The following ASAP1 variants were observed in gnomAD, a reference collection of about 807,000 sequenced individuals.
ASAP1 encodes arf-GAP with SH3 domain, ANK repeat and PH domain-containing protein 1.
A neutral mutation model predicts 145.2 loss-of-function variants in ASAP1; 43 were observed. The observed-to-expected ratio is 0.30, with a 90% CI of 0.23 to 0.38. The LOEUF (loss-of-function observed/expected upper bound fraction) is 0.38. Ranked by LOEUF, ASAP1 falls within the 10% of genes least tolerant of loss-of-function variation. The probability of loss-of-function intolerance (pLI) is 1.00; values close to 1 mark genes in which losing one functional copy is unlikely to be tolerated. For missense variants in ASAP1, 1,018 were observed against 1,355.3 expected, an observed-to-expected ratio of 0.75 and a Z score of 3.91; for synonymous variants, 546 against 515.5, an observed-to-expected ratio of 1.06 and a Z score of -0.80.
rs185875785 is a variant in ASAP1, at chr8:130,334,229, A to T, written c.186+23788T>A. 5.3e-5 allele frequency among the ~76,000 whole-genome samples: 8 copies of T among 152,368 alleles called. No homozygotes were observed. In the East Asian group the frequency reaches 1.5e-3, roughly 29 times the overall value. ...CACAAAAAGTTGCTGAGGCACACAT[A>T]TAAAGAGGTACTCTTTGATTTTCAG... On this transcript the variant is annotated intron_variant, in intron 3 of 29. Transcript: ENST00000518721.
intron 3 of ASAP1, among the ~76,000 whole-genome samples, chr8:130,253,513 A>G (rs1045589706): frequency 2.6e-5 from 4 of 152,200 alleles, no homozygotes; most frequent in African/African-American, 9.7e-5. Context: ...GAAAAGGGAG[A>G]TGTAGATACA....
Position 130,133,699 on chromosome 8 carries a change from A to C in ASAP1, c.1217+597T>G, listed in dbSNP as rs371689737. On this transcript the variant is annotated intron_variant, in intron 15 of 29. Coordinates refer to ENST00000518721, the MANE Select transcript of ASAP1 (RefSeq NM_018482.4). ...AACAAACAAACAAACAAAAAAAAAA[A>C]CAAAAAACTCCAACCCAGGAGTATG... is the stretch of plus-strand genomic sequence containing the variant. Among the ~76,000 whole-genome samples the C allele has an allele frequency of 6.3e-4, 95 of 151,754 alleles. 1 individual carries two copies. Among genetic ancestry groups the C allele is most frequent in the Middle Eastern group, 3.5e-3 (1 of 288 alleles).
intron 1 of ASAP1, among the ~76,000 whole-genome samples, chr8:130,417,380 G>T (rs536405315): frequency 1.3e-5 from 2 of 152,336 alleles, no homozygotes; most frequent in African/African-American, 4.8e-5. Flanking sequence ...GCCCTTCCAG[G>T]GGCCCTTCCA....
intron 5 of ASAP1, among the ~76,000 whole-genome samples, chr8:130,201,940 A>G (rs1815896699): frequency 6.6e-6 from 1 of 152,160 alleles, no homozygotes; most frequent in African/African-American, 2.4e-5. Flanking sequence ...TTCTTAACAC[A>G]ATTTAAAAAA....
chr8:130,187,166 T>A lies in ASAP1; in HGVS notation c.530+70A>T, dbSNP rs960161100. 13 of 1,382,642 alleles carry A rather than the reference T, an allele frequency of 9.4e-6. No individual in the cohort carries two copies. In the African/African-American group the frequency reaches 1.9e-4, roughly 20 times the overall value. 85.6% of individuals were successfully genotyped at this position (1,382,642 alleles called of 1,614,324 possible). On this transcript the variant is annotated intron_variant, in intron 7 of 29. Transcript: ENST00000518721. ...TCTGTCCTTTTTCCAGTTAAGTTTT[T>A]TTTTTTGTTGTCCAAAATTCACAAC...
In ASAP1 at chr8:130,116,609, T is replaced by G. The variant is rs956733221; in HGVS notation, c.2064+69A>C. 5.2e-6 allele frequency: 7 copies of G among 1,356,042 alleles called. No individual in the cohort carries two copies. In the African/African-American group the frequency reaches 1.0e-4, roughly 20 times the overall value. The allele number at this position is 1,356,042 out of a possible 1,614,324, so 84.0% of individuals were successfully genotyped here. On this transcript the variant is annotated intron_variant, in intron 22 of 29. Coordinates refer to ENST00000518721, the MANE Select transcript of ASAP1 (RefSeq NM_018482.4). ...AATCTGCATTTTTAATATTCAATTC[T>G]AGCTTCTCAGAATGACACTTTTAAG...
At chr8:130,160,336 A>G (rs144802022) in intron 11 of ASAP1, among the ~76,000 whole-genome samples, 1 of 152,314 alleles carries the variant, frequency 6.6e-6, no homozygotes, top group Non-Finnish European at 1.5e-5. Context: ...TGGACCAGAA[A>G]ATAAAGTCCA....
At chr8:130,156,961 G>A (rs1248507943) in intron 12 of ASAP1, among the ~76,000 whole-genome samples, 1 of 152,142 alleles carries the variant, frequency 6.6e-6, no homozygotes, top group African/African-American at 2.4e-5. Flanking sequence ...TTGTGATTTC[G>A]GGAGAGTAGT....
intron 3 of ASAP1, among the ~76,000 whole-genome samples, chr8:130,339,258 C>T (rs766528220): frequency 6.6e-6 from 1 of 152,112 alleles, no homozygotes; most frequent in Non-Finnish European, 1.5e-5. Flanking sequence ...CGTTTCTTCA[C>T]CAATATCTCA....
At chr8:130,379,214 G>C (rs115170877) in intron 2 of ASAP1, among the ~76,000 whole-genome samples, 2 of 152,100 alleles carry the variant, frequency 1.3e-5, no homozygotes, top group African/African-American at 4.8e-5. Context: ...GGCACGTCCC[G>C]AGAGGGCATG....
intron 2 of ASAP1, among the ~76,000 whole-genome samples, chr8:130,369,992 G>A (rs1290843238): frequency 6.6e-6 from 1 of 152,236 alleles, no homozygotes; most frequent in East Asian, 1.9e-4. Flanking sequence ...TCATGAATGG[G>A]AACAGTGCCT....
rs758743967 is a variant in ASAP1 at position 130,128,106 on chromosome 8, TAA to T, written c.1218-18_1218-17del. 2 of 1,152,116 alleles carry T rather than the reference TAA, an allele frequency of 1.7e-6. No individual in the cohort carries two copies. Among genetic ancestry groups the T allele is most frequent in the South Asian group, 3.1e-5 (2 of 63,678 alleles). The allele number at this position is 1,152,116 out of a possible 1,614,324, so 71.4% of individuals were successfully genotyped here. A position where few individuals can be genotyped will look rare whatever the true frequency, so the allele number is the denominator to read the frequency against. ...TGATATCCATCTGTTGGTAAAAACA[TAA>T]GAGGAAAAAAGTCTTTATAAGAGCA... On this transcript the variant is annotated splice_polypyrimidine_tract_variant and intron_variant, in intron 15 of 29. Coordinates refer to ENST00000518721, the MANE Select transcript of ASAP1 (RefSeq NM_018482.4).
intron 27 of ASAP1, among the ~76,000 whole-genome samples, chr8:130,068,272 A>G (rs1180395171): frequency 6.6e-6 from 1 of 152,242 alleles, no homozygotes; most frequent in Non-Finnish European, 1.5e-5. Context: ...AGGCTGGACT[A>G]AGCTCAGATG....
intron 15 of ASAP1, among the ~76,000 whole-genome samples, chr8:130,132,589 C>T (rs924732682): frequency 7.2e-5 from 11 of 152,300 alleles, no homozygotes; most frequent in Non-Finnish European, 1.3e-4. Context: ...CGAGTCTATT[C>T]CTCCAGCACA....
At chr8:130,134,372 G>T in intron 14 of ASAP1, 28 bp from the exon 15 acceptor site, 1 of 1,444,818 alleles carries the variant, frequency 6.9e-7, no homozygotes. Context: ...AAAAATAAGT[G>T]AAACCTTAGA....
At chr8:130,429,421 T>G (rs1280346684) in intron 1 of ASAP1, among the ~76,000 whole-genome samples, 2 of 152,172 alleles carry the variant, frequency 1.3e-5, no homozygotes, top group African/African-American at 4.8e-5. Flanking sequence ...ACAAAACCTA[T>G]GAGGCAAAAG....
chr8:130,130,168 T>C (rs1314985823), intron 15 of ASAP1, among the ~76,000 whole-genome samples: 3 of 152,218 alleles, frequency 2.0e-5, no homozygotes, highest in Non-Finnish European at 4.4e-5. Context: ...AAAAAAGTTG[T>C]GGGCCCAAGC....
chr8:130,135,911 C>T (rs2097593473), intron 14 of ASAP1, among the ~76,000 whole-genome samples: 1 of 152,140 alleles, frequency 6.6e-6, no homozygotes, highest in Admixed American at 6.5e-5. Context: ...GTTTCGACTA[C>T]CCCTAAAGAG....
chr8:130,068,914 TC>T (rs2097435941), intron 27 of ASAP1, among the ~76,000 whole-genome samples: 1 of 152,158 alleles, frequency 6.6e-6, no homozygotes. Context: ...GTGATATTAC[TC>T]CTACAGAAAT....
Sources: gnomAD v4.1 joint callset for allele counts (sites outside exome capture counted in the v4.1 genomes callset) on GRCh38, gnomAD v4.1.1 for gene constraint, MANE v1.5 for transcripts, NCBI Gene and HGNC (gene_info 2026-07-23, HGNC 2026-07-21) for gene names.